Variants in ZNF586 observed in about 807,000 individuals in gnomAD.
ZNF586 encodes the protein zinc finger protein 586.
Under a neutral mutation model 6.7 loss-of-function variants are expected in ZNF586, and 7 were observed. That is an observed-to-expected ratio of 1.04 (90% CI 0.59 to 1.95). The LOEUF is 1.95. Among genes scored for constraint, ZNF586 ranks in the 30% most tolerant of loss-of-function variants. The pLI is 0.00. For synonymous variants in ZNF586, 166 were observed against 168.7 expected, an observed-to-expected ratio of 0.98 and a Z score of 0.12; for missense variants, 442 against 489.6, an observed-to-expected ratio of 0.90 and a Z score of 0.92.
intron 2 of ZNF586, 97 bp downstream of exon 2, chr19:57,776,766 A>G (rs926650181): frequency 6.1e-5 from 84 of 1,379,326 alleles, no homozygotes; most frequent in Middle Eastern, 1.9e-4. Flanking sequence ...ACACAGCTTC[A>G]TTCTCCAGTT....
intron 1 of ZNF586, among the ~76,000 whole-genome samples, chr19:57,773,323 G>A (rs1987140926): frequency 6.6e-6 from 1 of 151,866 alleles, no homozygotes; most frequent in African/African-American, 2.4e-5. Flanking sequence ...TGTGTACCTG[G>A]TGATGGTATT....
intron 1 of ZNF586, among the ~76,000 whole-genome samples, chr19:57,770,157 CTTT>C (rs56139513): frequency 7.8e-6 from 1 of 128,220 alleles, no homozygotes. Flanking sequence ...GGAGTTATTT[CTTT>C]TTTTTTTTTT....
Position 57,769,828 on chromosome 19 carries a change from C to CG in ZNF586, c.-15_-14insG. On this transcript the variant is annotated 5_prime_UTR_variant, in exon 1 of 3. Coordinates refer to ENST00000396154, the MANE Select transcript of ZNF586 (RefSeq NM_017652.4). ...GGAACACCGCCGAGCCCGCGTTCCC[C>CG]CCCCGCCCAGAGTCATGGCGGCAGC... is the stretch of plus-strand genomic sequence containing the variant. The CG allele has an allele frequency of 6.5e-7, 1 of 1,545,778 alleles. No individual in the cohort carries two copies. The highest frequency in any genetic ancestry group is 8.7e-7 in the Non-Finnish European group (1 of 1,146,128).
At chr19:57,776,711 C>G (rs373560380) in intron 2 of ZNF586, 42 bp downstream of exon 2, 533 of 1,550,442 alleles carry the variant, frequency 3.4e-4, no homozygotes, top group Non-Finnish European at 4.4e-4. Context: ...TTAGTCTGTG[C>G]CCCTCACCTT....
chr19:57,769,684 G>T lies in ZNF586; in HGVS notation c.-159G>T. ...CCGTGGCAGCCATTTTGGCCTGTCA[G>T]GTCCATCCGGCGATGCTGGGTCTGG... is the stretch of plus-strand genomic sequence containing the variant. On this transcript the variant is annotated 5_prime_UTR_variant, in exon 1 of 3. It adds an upstream start codon to the 5' untranslated region. Transcript: ENST00000396154. 1.3e-6 allele frequency: 1 copy of T among 769,314 alleles called. No homozygotes were observed. Among genetic ancestry groups the T allele is most frequent in the Non-Finnish European group, 2.1e-6 (1 of 470,862 alleles). 47.7% of individuals were successfully genotyped at this position (769,314 alleles called of 1,614,324 possible). A position where few individuals can be genotyped will look rare whatever the true frequency, so the allele number is the denominator to read the frequency against.
intron 1 of ZNF586, among the ~76,000 whole-genome samples, chr19:57,773,295 G>A (rs1987139660): frequency 1.3e-5 from 2 of 152,036 alleles, no homozygotes; most frequent in Non-Finnish European, 2.9e-5. Flanking sequence ...ACAGGAAGTA[G>A]AGTTTGGGTT....
chr19:57,774,216 C>CAAAA (rs34864063), intron 1 of ZNF586, among the ~76,000 whole-genome samples: 1 of 68,966 alleles, frequency 1.4e-5, no homozygotes, highest in Non-Finnish European at 2.7e-5. Context: ...AACTCCGTCT[C>CAAAA]AAAAAAAAAA....
intron 1 of ZNF586, among the ~76,000 whole-genome samples, chr19:57,770,356 C>G (rs892443989): frequency 6.6e-6 from 1 of 151,990 alleles, no homozygotes; most frequent in African/African-American, 2.4e-5. Context: ...AACTCCTGAC[C>G]TTAGGTGATC....
intron 1 of ZNF586, among the ~76,000 whole-genome samples, chr19:57,774,216 CAAAAAA>C (rs34864063): frequency 1.4e-5 from 1 of 68,984 alleles, no homozygotes; most frequent in African/African-American, 6.1e-5. Context: ...AACTCCGTCT[CAAAAAA>C]AAAAAAAAAA....
intron 2 of ZNF586, among the ~76,000 whole-genome samples, chr19:57,778,432 T>TG (rs537914967): frequency 1.5e-3 from 225 of 151,880 alleles, no homozygotes; most frequent in Non-Finnish European, 2.3e-3. Context: ...CTAGTCATGT[T>TG]GGGGGGGGCC....
intron 1 of ZNF586, among the ~76,000 whole-genome samples, chr19:57,770,475 G>A (rs1987068810): frequency 6.6e-6 from 1 of 152,224 alleles, no homozygotes; most frequent in African/African-American, 2.4e-5. Flanking sequence ...CTTTGACTGT[G>A]AGGACGCTAA....
chr19:57,769,832 C>CT lies in ZNF586; in HGVS notation c.-11_-10insT, dbSNP rs397721121. On this transcript the variant is annotated 5_prime_UTR_variant, in exon 1 of 3. Coordinates refer to ENST00000396154, the MANE Select transcript of ZNF586 (RefSeq NM_017652.4). ...CACCGCCGAGCCCGCGTTCCCCCCC[C>CT]GCCCAGAGTCATGGCGGCAGCAGCC... The CT allele has an allele frequency of 3.2e-6, 5 of 1,545,736 alleles. No homozygotes were observed. The African/African-American group carries it at 6.9e-5, about 21-fold the overall frequency.
intron 1 of ZNF586, among the ~76,000 whole-genome samples, chr19:57,771,413 G>A (rs1431576170): frequency 6.6e-6 from 1 of 151,990 alleles, no homozygotes; most frequent in Admixed American, 6.6e-5. Flanking sequence ...AAAGTGCTGG[G>A]ATGCCAAGCA....
chr19:57,775,201 T>C (rs1249607914), intron 1 of ZNF586, among the ~76,000 whole-genome samples: 2 of 152,120 alleles, frequency 1.3e-5, no homozygotes, highest in African/African-American at 4.8e-5. Flanking sequence ...TTCACAATGT[T>C]AGCCAGGATG....
In ZNF586 at chr19:57,776,609, G is replaced by T. The variant is rs778375134; in HGVS notation, c.103G>T (p.Ala35Ser). ...GGAGGAATGGAGTCTTCTTAATGAG[G>T]CTCAGAGATGCCTGTACCGTGACGT... The part of the protein sequence containing the change: ...SLEEWSLLNE[A>S]QRCLYRDVML... The change falls in exon 2 of 3, where the codon GCT (alanine) becomes TCT (serine). Residue 35 changes from alanine to serine, a missense_variant. Transcript: ENST00000396154. 8 of 1,613,586 alleles carry T rather than the reference G, an allele frequency of 5.0e-6. No individual in the cohort carries two copies. In the South Asian group the frequency reaches 8.8e-5, roughly 18 times the overall value.
Position 57,780,030 on chromosome 19 carries a change from C to A in ZNF586, c.*234C>A. On this transcript the variant is annotated 3_prime_UTR_variant, in exon 3 of 3. Transcript: ENST00000396154. ...CCACAATATTTACATGAGGAAAATA[C>A]CACAGATGTGGAGGTAATATTATTT... 1 of 520,746 alleles carries A rather than the reference C, an allele frequency of 1.9e-6. No individual in the cohort carries two copies. Among genetic ancestry groups the A allele is most frequent in the Non-Finnish European group, 3.4e-6 (1 of 298,330 alleles). The allele number at this position is 520,746 out of a possible 1,614,324, so 32.3% of individuals were successfully genotyped here. A position where few individuals can be genotyped will look rare whatever the true frequency, so the allele number is the denominator to read the frequency against.
rs1219114466 is a variant in ZNF586 at position 57,779,946 on chromosome 19, A to C, written c.*150A>C. On this transcript the variant is annotated 3_prime_UTR_variant, in exon 3 of 3. Transcript: ENST00000396154. ...TTACATAAAAGAGTGCTCCCACTGA[A>C]GAAGTGCCTTTTGAGTGCAATGAAT... The C allele has an allele frequency of 1.4e-6, 1 of 692,054 alleles. No individual in the cohort carries two copies. The highest frequency in any genetic ancestry group is 1.8e-5 in the African/African-American group (1 of 55,764). The allele number at this position is 692,054 out of a possible 1,614,324, so 42.9% of individuals were successfully genotyped here. A position where few individuals can be genotyped will look rare whatever the true frequency, so the allele number is the denominator to read the frequency against.
At chr19:57,776,793 T>C (rs1382454281) in intron 2 of ZNF586, 124 bp downstream of exon 2, 5 of 1,233,450 alleles carry the variant, frequency 4.1e-6, no homozygotes, top group Non-Finnish European at 4.4e-6. Context: ...AGAGGTTCTG[T>C]TGTTGGTCGG....
Position 57,769,825 on chromosome 19 carries a change from C to G in ZNF586, c.-18C>G, listed in dbSNP as rs1987042400. 8 of 1,442,778 alleles carry G rather than the reference C, an allele frequency of 5.5e-6. No individual in the cohort carries two copies. The highest frequency in any genetic ancestry group is 7.3e-6 in the Non-Finnish European group (8 of 1,088,928). The allele number at this position is 1,442,778 out of a possible 1,614,324, so 89.4% of individuals were successfully genotyped here. A position where few individuals can be genotyped will look rare whatever the true frequency, so the allele number is the denominator to read the frequency against. On this transcript the variant is annotated 5_prime_UTR_variant, in exon 1 of 3. Transcript: ENST00000396154. Reference sequence around the variant, plus strand: ...ACAGGAACACCGCCGAGCCCGCGTTCCCCCCCCGCCCAGAGTCATGGCGGC... The same window carrying G: ...ACAGGAACACCGCCGAGCCCGCGTTGCCCCCCCGCCCAGAGTCATGGCGGC...
Sources: gnomAD v4.1 joint callset for allele counts (sites outside exome capture counted in the v4.1 genomes callset) on GRCh38, gnomAD v4.1.1 for gene constraint, MANE v1.5 for transcripts, NCBI Gene and HGNC (gene_info 2026-07-23, HGNC 2026-07-21) for gene names.